Variants in CD2AP observed in about 807,000 individuals in gnomAD.
CD2AP encodes the protein CD2-associated protein.
CD2AP carries 46 observed loss-of-function variants against 85.1 expected under a neutral mutation model. The ratio of observed to expected loss-of-function variants is 0.54; its 90% CI spans 0.43 to 0.69. The LOEUF (loss-of-function observed/expected upper bound fraction) is 0.69. Among genes scored for constraint, CD2AP ranks in the 30% least tolerant of loss-of-function variants. CD2AP has a pLI of 0.00. For missense variants in CD2AP, 769 were observed against 729.5 expected (o/e 1.05, Z -0.62); for synonymous variants, 255 against 252.9 (o/e 1.01, Z -0.08).
At chr6:47,490,903 A>G (rs1480647918) in intron 1 of CD2AP, among the ~76,000 whole-genome samples, 1 of 152,116 alleles carries the variant, frequency 6.6e-6, no homozygotes, top group Non-Finnish European at 1.5e-5. Context: ...AGATTTACTT[A>G]TCTCTGTTGA....
At chr6:47,505,649 C>A (rs1297474160) in intron 2 of CD2AP, among the ~76,000 whole-genome samples, 1 of 104,696 alleles carries the variant, frequency 9.6e-6, no homozygotes, top group East Asian at 2.4e-4. Flanking sequence ...CCCTCCCGGA[C>A]GGGGCGGCTG....
chr6:47,621,387 T>C (rs1188729294), intron 17 of CD2AP, among the ~76,000 whole-genome samples: 1 of 152,254 alleles, frequency 6.6e-6, no homozygotes, highest in Admixed American at 6.5e-5. Context: ...ATCCCTGGTA[T>C]GAAACCCACT....
intron 4 of CD2AP, 72 bp downstream of exon 4, chr6:47,544,778 T>A: frequency 1.1e-6 from 1 of 903,742 alleles, no homozygotes; most frequent in Non-Finnish European, 1.8e-6. Flanking sequence ...AAATTAATTG[T>A]AAGAATATTA....
intron 4 of CD2AP, among the ~76,000 whole-genome samples, chr6:47,552,615 T>G (rs1767556519): frequency 6.6e-6 from 1 of 152,152 alleles, no homozygotes; most frequent in Non-Finnish European, 1.5e-5. Flanking sequence ...ATGCAGTCTA[T>G]TTTTGTGTAT....
chr6:47,497,348 TCCCC>T (rs1765888298), intron 1 of CD2AP, among the ~76,000 whole-genome samples: 2 of 85,220 alleles, frequency 2.3e-5, no homozygotes, highest in Non-Finnish European at 5.6e-5. Context: ...TTCCCTTCCC[TCCCC>T]TTCCCCTTCC....
chr6:47,612,608 T>A, intron 17 of CD2AP, 72 bp downstream of exon 17: 1 of 1,005,330 alleles, frequency 9.9e-7, no homozygotes, highest in Non-Finnish European at 1.6e-6. Context: ...CCCAACTGGG[T>A]AATCGGTTCC....
At chr6:47,587,349 C>G (rs1768658220) in intron 11 of CD2AP, among the ~76,000 whole-genome samples, 1 of 152,146 alleles carries the variant, frequency 6.6e-6, no homozygotes, top group Admixed American at 6.5e-5. Context: ...TGAAACTGAT[C>G]ACCCCTCTAT....
chr6:47,566,690 C>T (rs797011534), intron 5 of CD2AP, among the ~76,000 whole-genome samples: 2 of 152,210 alleles, frequency 1.3e-5, no homozygotes, highest in Admixed American at 6.5e-5. Context: ...GTTCAACTCC[C>T]ACTAATGAGT....
chr6:47,549,802 T>A (rs1767464622), intron 4 of CD2AP, among the ~76,000 whole-genome samples: 1 of 152,132 alleles, frequency 6.6e-6, no homozygotes, highest in Non-Finnish European at 1.5e-5. Context: ...TTACCTGATT[T>A]CAAATTATAC....
chr6:47,570,035 C>T (rs1477668479), intron 5 of CD2AP, among the ~76,000 whole-genome samples: 2 of 152,308 alleles, frequency 1.3e-5, no homozygotes, highest in African/African-American at 2.4e-5. Flanking sequence ...CCCGCACCCA[C>T]ACCTGCATGA....
At chr6:47,576,915 C>G in intron 7 of CD2AP, 94 bp from the exon 8 acceptor site, 1 of 787,100 alleles carries the variant, frequency 1.3e-6, no homozygotes. Flanking sequence ...TCTCTAATAA[C>G]TTTTAGTATA....
intron 4 of CD2AP, among the ~76,000 whole-genome samples, chr6:47,549,936 G>A (rs1226263800): frequency 1.3e-5 from 2 of 152,042 alleles, no homozygotes; most frequent in Admixed American, 1.3e-4. Flanking sequence ...CTTCGACAAA[G>A]CAAACAAAAA....
intron 9 of CD2AP, chr6:47,580,017 A>C (rs185320954): frequency 1.2e-4 from 19 of 159,204 alleles, no homozygotes; most frequent in African/African-American, 4.1e-4. Flanking sequence ...GAGGAATATA[A>C]TAGAGTTTTT....
rs9369702 is a variant in CD2AP, at chr6:47,491,271, A to G, written c.5-12009A>G. On this transcript the variant is annotated intron_variant, in intron 1 of 17. Transcript: ENST00000359314. Reference sequence around the variant, plus strand: ...CTTTCTTCCTGATATGTGTGTGTGTATGTGTGTGTGTGTGTGTGTGTGTGT... The same window carrying G: ...CTTTCTTCCTGATATGTGTGTGTGTGTGTGTGTGTGTGTGTGTGTGTGTGT... 3.9e-3 allele frequency among the ~76,000 whole-genome samples: 475 copies of G among 122,572 alleles called. 2 individuals are homozygous for G. The highest frequency in any genetic ancestry group is 0.03 in the Middle Eastern group (6 of 202). The allele number at this position is 122,572 out of a possible 152,430, so 80.4% of individuals were successfully genotyped here.
In CD2AP at chr6:47,574,112, T is replaced by TGA; in HGVS notation, c.592_593dup (p.Ser198ArgfsTer29). ...TCACCTATACCTTCTCTGGGAAATGTGAGTGAAACTGCATCTGGATCAGTT... is the reference window on the plus strand; with the variant it reads ...TCACCTATACCTTCTCTGGGAAATGTGAGAGTGAAACTGCATCTGGATCAGTT... On this transcript the variant is annotated frameshift_variant, in exon 6 of 18. Transcript: ENST00000359314. LOFTEE classifies it high-confidence loss of function. The TGA allele has an allele frequency of 6.2e-7, 1 of 1,614,064 alleles. No individual in the cohort carries two copies. Among genetic ancestry groups the TGA allele is most frequent in the East Asian group, 2.2e-5 (1 of 44,842 alleles).
At chr6:47,552,330 A>G (rs927378499) in intron 4 of CD2AP, among the ~76,000 whole-genome samples, 7 of 151,384 alleles carry the variant, frequency 4.6e-5, no homozygotes, top group South Asian at 2.1e-4. Flanking sequence ...CCAAAGTCCA[A>G]TGTATCATTC....
intron 2 of CD2AP, among the ~76,000 whole-genome samples, chr6:47,526,484 T>C (rs1022384375): frequency 1.3e-5 from 2 of 152,176 alleles, no homozygotes; most frequent in African/African-American, 4.8e-5. Flanking sequence ...CTTTCCCCCT[T>C]TTATTTGTAT....
chr6:47,622,594 C>T lies in CD2AP; in HGVS notation c.1879-1592C>T, dbSNP rs555624178. Among the ~76,000 whole-genome samples the T allele has an allele frequency of 4.6e-5, 7 of 152,288 alleles. No individual in the cohort carries two copies. The South Asian group carries it at 1.4e-3, about 32-fold the overall frequency. ...ATCCAGGTGAAGTTGGAAACTTCTG[C>T]AAACAGACCTTCAGTTTCTCCAGTG... On this transcript the variant is annotated intron_variant, in intron 17 of 17. Coordinates refer to ENST00000359314, the MANE Select transcript of CD2AP (RefSeq NM_012120.3).
chr6:47,592,643 G>A (rs1768833595), intron 11 of CD2AP, among the ~76,000 whole-genome samples: 1 of 152,080 alleles, frequency 6.6e-6, no homozygotes, highest in Non-Finnish European at 1.5e-5. Flanking sequence ...CCCTAAGGAT[G>A]GGGAGGGGCC....
Sources: gnomAD v4.1 joint callset for allele counts (sites outside exome capture counted in the v4.1 genomes callset) on GRCh38, gnomAD v4.1.1 for gene constraint, MANE v1.5 for transcripts, NCBI Gene and HGNC (gene_info 2026-07-23, HGNC 2026-07-21) for gene names.